COL8A1: variants seen among roughly 807,000 people sequenced by gnomAD.
The protein encoded by COL8A1 is collagen alpha-1(VIII) chain.
In COL8A1, 21 loss-of-function variants were observed where a neutral mutation model predicts 42.7. That is an observed-to-expected ratio of 0.49 (90% CI 0.35 to 0.71). COL8A1 has a LOEUF of 0.71. Among genes scored for constraint, COL8A1 ranks in the 30% least tolerant of loss-of-function variants. The probability of loss-of-function intolerance (pLI) is 0.01; values close to 1 mark genes in which losing one functional copy is unlikely to be tolerated. For synonymous variants in COL8A1, 367 were observed against 369.1 expected (o/e 0.99, Z 0.06); for missense variants, 788 against 962.4 (o/e 0.82, Z 2.40).
intron 1 of COL8A1, among the ~76,000 whole-genome samples, chr3:99,734,562 A>T (rs1275421511): frequency 6.6e-6 from 1 of 151,894 alleles, no homozygotes; most frequent in East Asian, 1.9e-4. Flanking sequence ...GCCTTGTAGT[A>T]TAGTTTGAAG....
At chr3:99,741,653 T>G (rs1211653740) in intron 1 of COL8A1, among the ~76,000 whole-genome samples, 1 of 152,192 alleles carries the variant, frequency 6.6e-6, no homozygotes, top group Non-Finnish European at 1.5e-5. Context: ...TTGCTGGCAT[T>G]GTCAACAGGA....
chr3:99,645,298 A>G (rs575553801), intron 1 of COL8A1, among the ~76,000 whole-genome samples: 2 of 152,342 alleles, frequency 1.3e-5, no homozygotes, highest in East Asian at 3.9e-4. Context: ...GTTAAATGGC[A>G]GACATAAGAT....
At chr3:99,687,146 T>C (rs919745503) in intron 1 of COL8A1, among the ~76,000 whole-genome samples, 3 of 152,168 alleles carry the variant, frequency 2.0e-5, no homozygotes, top group African/African-American at 7.2e-5. Context: ...ATCCGGCCTG[T>C]AACTGTCCAT....
At chr3:99,692,389 A>G (rs1679961422) in intron 1 of COL8A1, among the ~76,000 whole-genome samples, 1 of 152,220 alleles carries the variant, frequency 6.6e-6, no homozygotes, top group Admixed American at 6.5e-5. Context: ...CTAAACTAAT[A>G]TTGAGTTTAA....
At chr3:99,777,163 C>G (rs1423644048) in intron 2 of COL8A1, among the ~76,000 whole-genome samples, 6 of 152,114 alleles carry the variant, frequency 3.9e-5, no homozygotes, top group Admixed American at 2.0e-4. Flanking sequence ...TTCACTCAGC[C>G]CCTATTCAAG....
chr3:99,682,686 C>T lies in COL8A1; in HGVS notation c.-129+44022C>T, dbSNP rs114386182. Among the ~76,000 whole-genome samples, 759 of 152,038 alleles carry T rather than the reference C, an allele frequency of 5.0e-3. 5 individuals carry two copies. The highest frequency in any genetic ancestry group is 0.014 in the African/African-American group (564 of 41,474). ...AGATCATAGAACATATAAGCTCTCA[C>T]CAGCTTTGTGACCTCAGGCATCTCC... On this transcript the variant is annotated intron_variant, in intron 1 of 3. Coordinates refer to ENST00000652472, the MANE Select transcript of COL8A1 (RefSeq NM_020351.4).
In COL8A1 at chr3:99,786,089, T is replaced by C. The variant is rs1244961495; in HGVS notation, c.-3-4591T>C. ...CATTGTAGTAAACAGGACTCTTTCC[T>C]TTTTTCCCCATACGTTGTCTTAAGA... On this transcript the variant is annotated intron_variant, in intron 2 of 3. Coordinates refer to ENST00000652472, the MANE Select transcript of COL8A1 (RefSeq NM_020351.4). Among the ~76,000 whole-genome samples, 6 of 152,128 alleles carry C rather than the reference T, an allele frequency of 3.9e-5. No individual in the cohort carries two copies. In the South Asian group the frequency reaches 1.0e-3, roughly 26 times the overall value.
In COL8A1 at chr3:99,639,977, T is replaced by C. The variant is rs9865190; in HGVS notation, c.-129+1313T>C. ...CGAAGCTGTATGAAATTCTCCCCTA[T>C]TAAAGAAACAAGACTCATTAGAAAT... is the stretch of plus-strand genomic sequence containing the variant. On this transcript the variant is annotated intron_variant, in intron 1 of 3. Coordinates refer to ENST00000652472, the MANE Select transcript of COL8A1 (RefSeq NM_020351.4). Among the ~76,000 whole-genome samples the C allele has an allele frequency of 4.4e-3, 663 of 152,328 alleles. 4 individuals are homozygous for C. Among genetic ancestry groups the C allele is most frequent in the African/African-American group, 0.015 (631 of 41,580 alleles).
chr3:99,679,264 T>C (rs1938793774), intron 1 of COL8A1: 1 of 152,214 alleles, frequency 6.6e-6, no homozygotes, highest in African/African-American at 2.4e-5. Context: ...ACTTCTCTTT[T>C]TGTGTTCAAT....
chr3:99,727,420 A>C (rs1464527151), intron 1 of COL8A1, among the ~76,000 whole-genome samples: 2 of 151,990 alleles, frequency 1.3e-5, no homozygotes, highest in African/African-American at 2.4e-5. Context: ...TCTCCTGCCT[A>C]ATTGCCCTGG....
At chr3:99,675,463 T>A (rs1938664779) in intron 1 of COL8A1, among the ~76,000 whole-genome samples, 1 of 152,090 alleles carries the variant, frequency 6.6e-6, no homozygotes, top group Non-Finnish European at 1.5e-5. Flanking sequence ...CTACTTCATC[T>A]ACTGGAAAAG....
chr3:99,772,219 G>T (rs182192913), intron 2 of COL8A1, among the ~76,000 whole-genome samples: 53 of 152,252 alleles, frequency 3.5e-4, no homozygotes, highest in Admixed American at 1.7e-3. Context: ...AAATAAAGAA[G>T]CTAATCTGAA....
intron 2 of COL8A1, among the ~76,000 whole-genome samples, chr3:99,763,482 A>G (rs528755814): frequency 6.6e-6 from 1 of 152,150 alleles, no homozygotes; most frequent in Non-Finnish European, 1.5e-5. Context: ...TAATACCTAC[A>G]TCGCACTTAC....
chr3:99,662,198 G>C (rs778856741), intron 1 of COL8A1, among the ~76,000 whole-genome samples: 2 of 152,072 alleles, frequency 1.3e-5, no homozygotes, highest in Non-Finnish European at 2.9e-5. Flanking sequence ...GGCCAACATG[G>C]TGAAACCCCA....
intron 1 of COL8A1, among the ~76,000 whole-genome samples, chr3:99,656,586 G>A (rs1938028813): frequency 6.6e-6 from 1 of 151,654 alleles, no homozygotes; most frequent in Non-Finnish European, 1.5e-5. Flanking sequence ...CTCAATAATA[G>A]CTCAGTTTAG....
intron 2 of COL8A1, among the ~76,000 whole-genome samples, chr3:99,748,522 A>G: frequency 6.6e-6 from 1 of 152,292 alleles, no homozygotes; most frequent in Non-Finnish European, 1.5e-5. Flanking sequence ...ATATGGTTTA[A>G]TAAAATTAAT....
At chr3:99,790,605 T>C in intron 2 of COL8A1, 75 bp from the exon 3 acceptor site, 1 of 1,225,398 alleles carries the variant, frequency 8.2e-7, no homozygotes, top group Non-Finnish European at 1.2e-6. Context: ...TTTTTCCCCA[T>C]TCTATCTCTA....
chr3:99,786,816 T>A (rs1345810759), intron 2 of COL8A1, among the ~76,000 whole-genome samples: 1 of 152,108 alleles, frequency 6.6e-6, no homozygotes, highest in Non-Finnish European at 1.5e-5. Context: ...CCCTGAGAAA[T>A]GCAATCAAGA....
intron 1 of COL8A1, among the ~76,000 whole-genome samples, chr3:99,732,774 C>G (rs1157306106): frequency 3.3e-5 from 5 of 152,198 alleles, no homozygotes; most frequent in Admixed American, 2.0e-4. Flanking sequence ...AGCAGTAACT[C>G]AAAAGTCCAA....
Sources: allele counts gnomAD v4.1 joint callset (sites outside exome capture counted in the v4.1 genomes callset), GRCh38; gene constraint gnomAD v4.1.1; transcripts MANE v1.5; gene names NCBI Gene and HGNC (gene_info 2026-07-23, HGNC 2026-07-21).